The following KPNA3 variants were observed in gnomAD, a reference collection of about 807,000 sequenced individuals.
KPNA3 encodes importin subunit alpha-4.
A neutral mutation model predicts 73.8 loss-of-function variants in KPNA3; 13 were observed. The observed-to-expected ratio is 0.18, with a 90% CI of 0.11 to 0.28. The LOEUF is 0.28. Ranked by LOEUF, KPNA3 falls within the 10% of genes least tolerant of loss-of-function variation. The pLI, the probability that KPNA3 is intolerant of heterozygous loss-of-function variation, is 1.00. For synonymous variants in KPNA3, 186 were observed against 206.9 expected, an observed-to-expected ratio of 0.90 and a Z score of 0.87; for missense variants, 360 against 618.1, an observed-to-expected ratio of 0.58 and a Z score of 4.43.
At chr13:49,785,182 G>A (rs778011455) in intron 1 of KPNA3, among the ~76,000 whole-genome samples, 6 of 152,150 alleles carry the variant, frequency 3.9e-5, no homozygotes, top group Non-Finnish European at 7.3e-5. Context: ...GAAATAATCA[G>A]GCATCAGGCT....
In KPNA3 at chr13:49,756,171, G is replaced by A. The variant is rs183291509; in HGVS notation, c.70-9178C>T. Among the ~76,000 whole-genome samples, 16 of 152,322 alleles carry A rather than the reference G, an allele frequency of 1.1e-4. No individual in the cohort carries two copies. In the East Asian group the frequency reaches 2.3e-3, roughly 22 times the overall value. ...TGCCTGTAGTCTCAGCTACTGGGGA[G>A]GGTGAGGTAGCAGGATCTCTTGAGC... On this transcript the variant is annotated intron_variant, in intron 1 of 16. Transcript: ENST00000261667.
intron 1 of KPNA3, among the ~76,000 whole-genome samples, chr13:49,772,084 T>C (rs1425717624): frequency 6.6e-6 from 1 of 152,240 alleles, no homozygotes; most frequent in Non-Finnish European, 1.5e-5. Flanking sequence ...GTGAGTTCTT[T>C]AGAATTTTCT....
At chr13:49,740,617 C>A (rs532522652) in intron 2 of KPNA3, among the ~76,000 whole-genome samples, 1 of 152,244 alleles carries the variant, frequency 6.6e-6, no homozygotes, top group Admixed American at 6.5e-5. Context: ...GATTGTGAGA[C>A]CTCCCCAGCC....
Position 49,746,974 on chromosome 13 carries a change from T to A in KPNA3, c.89A>T (p.Asn30Ile). 1.2e-6 allele frequency: 2 copies of A among 1,609,986 alleles called. No homozygotes were observed. The highest frequency in any genetic ancestry group is 2.2e-5 in the East Asian group (1 of 44,868). The change falls in exon 2 of 17, where the codon AAT becomes ATT. Residue 30 changes from asparagine (N) to isoleucine (I), a missense_variant. Asn to Ile is a moderately radical substitution (Grantham distance 149). Around this residue, in one of 3 missense-constraint regions of KPNA3, gnomAD observed 287 missense variants for 549.1 expected, o/e 0.52. Coordinates refer to ENST00000261667, the MANE Select transcript of KPNA3 (RefSeq NM_002267.4). ...CTTCCGCAGTTCCACTGTCACTTCA[T>A]TTCTATGTCTTCGCATTGTCTAGAA... ...RDVETMRRHR[N>I]EVTVELRKNK...
intron 8 of KPNA3, among the ~76,000 whole-genome samples, 159 bp downstream of exon 8, chr13:49,722,318 A>G (rs977730464): frequency 2.0e-5 from 3 of 152,202 alleles, no homozygotes; most frequent in Non-Finnish European, 2.9e-5. Context: ...AGCAAACTGT[A>G]TATCCTTTTC....
intron 1 of KPNA3, among the ~76,000 whole-genome samples, chr13:49,752,298 G>C (rs1310173535): frequency 6.6e-6 from 1 of 152,058 alleles, no homozygotes; most frequent in Non-Finnish European, 1.5e-5. Context: ...AAATCATCTT[G>C]TAACAAACAA....
Position 49,719,834 on chromosome 13 carries a change from TAAAC to T in KPNA3, c.727-19_727-16del, listed in dbSNP as rs1298004170. 2 of 1,505,490 alleles carry T rather than the reference TAAAC, an allele frequency of 1.3e-6. No individual in the cohort carries two copies. The highest frequency in any genetic ancestry group is 1.8e-6 in the Non-Finnish European group (2 of 1,083,340). 93.3% of individuals were successfully genotyped at this position (1,505,490 alleles called of 1,614,324 possible). ...GCTGGCAAAATCTGAGGAAAGAAAA[TAAAC>T]AATACTTAACATTAGTTAATTAATA... On this transcript the variant is annotated splice_polypyrimidine_tract_variant and intron_variant, in intron 9 of 16. Transcript: ENST00000261667.
chr13:49,780,878 A>G (rs900765927), intron 1 of KPNA3, among the ~76,000 whole-genome samples: 1 of 151,572 alleles, frequency 6.6e-6, no homozygotes, highest in African/African-American at 2.4e-5. Context: ...ACGCCACCAC[A>G]CCCGGCTAAT....
intron 7 of KPNA3, among the ~76,000 whole-genome samples, chr13:49,724,069 C>T (rs548598397): frequency 2.8e-4 from 43 of 152,158 alleles, no homozygotes; most frequent in African/African-American, 1.0e-3. Context: ...TCTGACTTCA[C>T]TTAACATTCT....
intron 1 of KPNA3, among the ~76,000 whole-genome samples, chr13:49,789,511 G>A (rs1277236829): frequency 1.3e-5 from 2 of 151,754 alleles, no homozygotes; most frequent in Non-Finnish European, 2.9e-5. Context: ...TTGTGTATCA[G>A]CTGCTTCTAT....
chr13:49,740,645 C>T (rs190828513), intron 2 of KPNA3, among the ~76,000 whole-genome samples: 70 of 152,252 alleles, frequency 4.6e-4, no homozygotes, highest in Non-Finnish European at 1.6e-4. Flanking sequence ...AGTGTGAGTC[C>T]AATAAACCTC....
chr13:49,744,146 A>G (rs1954596668), intron 2 of KPNA3, among the ~76,000 whole-genome samples: 1 of 152,212 alleles, frequency 6.6e-6, no homozygotes, highest in African/African-American at 2.4e-5. Context: ...ATGTGTTCAC[A>G]TTACAAATAT....
At chr13:49,717,440 G>GAAAAAAAAAAAAA (rs61581557) in intron 10 of KPNA3, among the ~76,000 whole-genome samples, 30 of 126,780 alleles carry the variant, frequency 2.4e-4, no homozygotes, top group East Asian at 2.0e-3. Context: ...GGAAAAAAAA[G>GAAAAAAAAAAAAA]AAAAAAAAAA....
chr13:49,714,174 C>G (rs528495002), intron 10 of KPNA3, among the ~76,000 whole-genome samples: 1 of 151,972 alleles, frequency 6.6e-6, no homozygotes, highest in African/African-American at 2.4e-5. Flanking sequence ...ACAGTGTAAA[C>G]TACGGATTTT....
chr13:49,788,603 C>CAGCT lies in KPNA3; in HGVS notation c.69+3831_69+3834dup, dbSNP rs1955003839. 4.6e-5 allele frequency among the ~76,000 whole-genome samples: 7 copies of CAGCT among 152,156 alleles called. No homozygotes were observed. The South Asian group carries it at 1.2e-3, about 27-fold the overall frequency. ...GTGTGGTGGCATGTGCCTGTAGTCC[C>CAGCT]AGCTACTCAAGAGGCTGAGATGGAA... On this transcript the variant is annotated intron_variant, in intron 1 of 16. Transcript: ENST00000261667.
chr13:49,736,654 C>T (rs963071531), intron 2 of KPNA3, among the ~76,000 whole-genome samples: 4 of 152,086 alleles, frequency 2.6e-5, no homozygotes, highest in African/African-American at 2.4e-5. Flanking sequence ...TGATACAATC[C>T]ACTTATTTTA....
chr13:49,717,275 T>C (rs1954312357), intron 10 of KPNA3, among the ~76,000 whole-genome samples: 1 of 151,716 alleles, frequency 6.6e-6, no homozygotes, highest in Admixed American at 6.6e-5. Flanking sequence ...AAAACTCATA[T>C]AAAAAATTAG....
At chr13:49,704,883 A>G (rs1409068746) in intron 15 of KPNA3, among the ~76,000 whole-genome samples, 2 of 152,240 alleles carry the variant, frequency 1.3e-5, no homozygotes, top group South Asian at 2.1e-4. Context: ...ATATGAAATA[A>G]TATTTCCTAA....
intron 2 of KPNA3, among the ~76,000 whole-genome samples, chr13:49,739,490 T>C (rs961217939): frequency 1.3e-5 from 2 of 152,144 alleles, no homozygotes; most frequent in African/African-American, 2.4e-5. Context: ...TGTGTTTAAG[T>C]GTTGATGCAT....
Sources: gnomAD v4.1 joint callset for allele counts (sites outside exome capture counted in the v4.1 genomes callset) on GRCh38, gnomAD v4.1.1 for gene constraint, gnomAD v4.1.1 regional missense constraint, MANE v1.5 for transcripts, NCBI Gene and HGNC (gene_info 2026-07-23, HGNC 2026-07-21) for gene names.